FAM184A: variants seen among roughly 807,000 people sequenced by gnomAD.
FAM184A encodes the protein family with sequence similarity 184 member A.
A neutral mutation model predicts 143.8 loss-of-function variants in FAM184A; 99 were observed. That is an observed-to-expected ratio of 0.69 (90% CI 0.58 to 0.81). The LOEUF is 0.81. Among genes scored for constraint, FAM184A ranks in the 40% least tolerant of loss-of-function variants. FAM184A has a pLI of 0.00. For missense variants in FAM184A, 1,217 were observed against 1,310.5 expected, an observed-to-expected ratio of 0.93 and a Z score of 1.10; for synonymous variants, 427 against 446.4, an observed-to-expected ratio of 0.96 and a Z score of 0.55.
intron 1 of FAM184A, among the ~76,000 whole-genome samples, chr6:119,132,673 C>G: frequency 6.6e-6 from 1 of 152,218 alleles, no homozygotes; most frequent in Non-Finnish European, 1.5e-5. Flanking sequence ...ACATTTCTAA[C>G]GGACTTACAG....
chr6:119,109,189 T>A (rs535029105), intron 1 of FAM184A, among the ~76,000 whole-genome samples: 1 of 152,328 alleles, frequency 6.6e-6, no homozygotes, highest in African/African-American at 2.4e-5. Flanking sequence ...AATTACACAC[T>A]GTGCCACACT....
At chr6:118,962,107 A>C (rs762662609) in intron 16 of FAM184A, 144 bp from the exon 17 acceptor site, 7 of 717,314 alleles carry the variant, frequency 9.8e-6, no homozygotes, top group Admixed American at 2.6e-5. Flanking sequence ...GTGTTACCCA[A>C]ACTGTGGTCT....
intron 1 of FAM184A, among the ~76,000 whole-genome samples, chr6:119,050,330 T>A (rs1786702223): frequency 6.6e-6 from 1 of 152,168 alleles, no homozygotes; most frequent in Non-Finnish European, 1.5e-5. Context: ...TTACTGGGTA[T>A]ATACCCAGAG....
chr6:119,128,743 A>G (rs1388856281), intron 1 of FAM184A, among the ~76,000 whole-genome samples: 2 of 152,190 alleles, frequency 1.3e-5, no homozygotes, highest in South Asian at 2.1e-4. Context: ...CATGGCAGAT[A>G]GCAGGCCTGG....
At chr6:118,994,361 G>A (rs2114618772) in intron 9 of FAM184A, among the ~76,000 whole-genome samples, 1 of 151,884 alleles carries the variant, frequency 6.6e-6, no homozygotes, top group Middle Eastern at 3.4e-3. Context: ...AAATATGGAG[G>A]TGATGTGGGC....
rs1224563533 is a variant in FAM184A at position 119,011,332 on chromosome 6, T to C, written c.1630A>G (p.Lys544Glu). 6 of 1,609,630 alleles carry C rather than the reference T, an allele frequency of 3.7e-6. No individual in the cohort carries two copies. Among genetic ancestry groups the C allele is most frequent in the African/African-American group, 1.3e-5 (1 of 74,682 alleles). ...GCCTCTTGATTGGCTGTATTCAACT[T>C]GTCTTCCAGTACTTCCTTTAGGTTT... Reference protein sequence around the residue: ...LENLKEVLEDKLNTANQEIGH... With the variant: ...LENLKEVLEDELNTANQEIGH... The change falls in exon 6 of 18, where the codon AAG becomes GAG. Residue 544 changes from lysine (K) to glutamate (E), a missense_variant. Lys to Glu is a moderately conservative substitution (Grantham distance 56, BLOSUM62 1). Transcript: ENST00000338891.
At chr6:119,093,877 A>G (rs1372425197) in intron 1 of FAM184A, among the ~76,000 whole-genome samples, 1 of 152,148 alleles carries the variant, frequency 6.6e-6, no homozygotes, top group East Asian at 1.9e-4. Flanking sequence ...TTTAGCGTAG[A>G]AGACCTGTAT....
intron 9 of FAM184A, among the ~76,000 whole-genome samples, chr6:118,995,949 T>C (rs868377427): frequency 2.6e-5 from 4 of 152,334 alleles, no homozygotes; most frequent in South Asian, 4.1e-4. Context: ...CAGTACTTCA[T>C]AGAACAGATT....
Position 119,023,822 on chromosome 6 carries a change from TAAAAAA to T in FAM184A, c.1014+131_1014+136del, listed in dbSNP as rs11353751. Reference sequence around the variant, plus strand: ...CTCACAAAGGAAAAGCAGGAAAAGTTAAAAAAAAAAAAAAAAAAAAGTCTAAGTGGT... The same window carrying T: ...CTCACAAAGGAAAAGCAGGAAAAGTTAAAAAAAAAAAAAAGTCTAAGTGGT... On this transcript the variant is annotated intron_variant, in intron 2 of 17. Coordinates refer to ENST00000338891, the MANE Select transcript of FAM184A (RefSeq NM_024581.6). The T allele has an allele frequency of 3.1e-5, 13 of 415,934 alleles. No homozygotes were observed. In the South Asian group the frequency reaches 9.0e-4, roughly 29 times the overall value. The allele number at this position is 415,934 out of a possible 1,614,324, so 25.8% of individuals were successfully genotyped here.
intron 9 of FAM184A, among the ~76,000 whole-genome samples, chr6:118,986,616 TAGG>T (rs1784205019): frequency 6.6e-6 from 1 of 152,214 alleles, no homozygotes; most frequent in East Asian, 1.9e-4. Context: ...ACTTTTTTTG[TAGG>T]AGATGAATCA....
chr6:118,994,173 G>A (rs1582478315), intron 9 of FAM184A, among the ~76,000 whole-genome samples: 1 of 152,134 alleles, frequency 6.6e-6, no homozygotes, highest in Admixed American at 6.6e-5. Flanking sequence ...AGTTCAGATT[G>A]TAAGCTCCAG....
chr6:119,016,788 C>G lies in FAM184A; in HGVS notation c.1489G>C (p.Val497Leu). The G allele has an allele frequency of 6.2e-7, 1 of 1,614,162 alleles. No individual in the cohort carries two copies. ...TTATCCCTAATTGCATTACTGTGGACAGCTTCAATTGCCATATGGTGCTTC... is the reference window on the plus strand; with the variant it reads ...TTATCCCTAATTGCATTACTGTGGAGAGCTTCAATTGCCATATGGTGCTTC... ...AWKHHMAIEA[V>L]HSNAIRDKKK... The change falls in exon 5 of 18, where the codon GTC becomes CTC. Residue 497 changes from valine (V) to leucine (L), a missense_variant. By Grantham distance (32) the Val-to-Leu change is conservative. Coordinates refer to ENST00000338891, the MANE Select transcript of FAM184A (RefSeq NM_024581.6).
At chr6:119,027,630 C>T (rs1048391125) in intron 1 of FAM184A, among the ~76,000 whole-genome samples, 5 of 152,058 alleles carry the variant, frequency 3.3e-5, no homozygotes, top group South Asian at 4.1e-4. Flanking sequence ...ACTTGTTAAA[C>T]GAAAAGGTAG....
intron 5 of FAM184A, among the ~76,000 whole-genome samples, chr6:119,013,719 T>C (rs1259667210): frequency 2.6e-5 from 4 of 152,228 alleles, no homozygotes; most frequent in Non-Finnish European, 4.4e-5. Context: ...AACATTCTAA[T>C]GGGAAGTTTT....
intron 1 of FAM184A, among the ~76,000 whole-genome samples, chr6:119,137,286 G>T (rs1789697297): frequency 6.7e-6 from 1 of 149,920 alleles, no homozygotes; most frequent in Non-Finnish European, 1.5e-5. Flanking sequence ...GTGTGTGTAT[G>T]CTTGTGTGTG....
At chr6:118,997,500 G>A (rs990498985) in intron 9 of FAM184A, among the ~76,000 whole-genome samples, 1 of 152,092 alleles carries the variant, frequency 6.6e-6, no homozygotes, top group East Asian at 1.9e-4. Context: ...GACCAGCCTG[G>A]CCAACATGGT....
At chr6:119,037,236 T>C (rs894879775) in intron 1 of FAM184A, among the ~76,000 whole-genome samples, 1 of 152,234 alleles carries the variant, frequency 6.6e-6, no homozygotes, top group African/African-American at 2.4e-5. Flanking sequence ...TGAACATTTC[T>C]TAAATCAGGG....
chr6:119,024,629 AATG>A lies in FAM184A; in HGVS notation c.341_343del (p.Ser114del). Reference sequence around the variant, plus strand: ...CTGCTTCATTTTTATGTGATCTTCTAATGATGATTCTAAAACTTGAATCTTTCT... The same window carrying A: ...CTGCTTCATTTTTATGTGATCTTCTAATGATTCTAAAACTTGAATCTTTCT... On this transcript the variant is annotated inframe_deletion, in exon 2 of 18. Transcript: ENST00000338891. 6.2e-7 allele frequency: 1 copy of A among 1,614,102 alleles called. No individual in the cohort carries two copies. The highest frequency in any genetic ancestry group is 8.5e-7 in the Non-Finnish European group (1 of 1,180,016).
At chr6:119,017,521 G>A (rs942411767) in intron 4 of FAM184A, among the ~76,000 whole-genome samples, 3 of 151,720 alleles carry the variant, frequency 2.0e-5, no homozygotes, top group Non-Finnish European at 4.4e-5. Context: ...AGAGTAAAGG[G>A]CTTCCTTTTA....
Sources: gnomAD v4.1 joint callset for allele counts (sites outside exome capture counted in the v4.1 genomes callset) on GRCh38, gnomAD v4.1.1 for gene constraint, MANE v1.5 for transcripts, NCBI Gene and HGNC (gene_info 2026-07-23, HGNC 2026-07-21) for gene names.